The following TMEM117 variants were observed in gnomAD, a reference collection of about 807,000 sequenced individuals.
TMEM117 encodes the protein transmembrane protein 117.
Under a neutral mutation model 52.4 loss-of-function variants are expected in TMEM117, and 27 were observed. That is an observed-to-expected ratio of 0.51 (90% CI 0.38 to 0.71). The LOEUF (loss-of-function observed/expected upper bound fraction) is 0.71. TMEM117 is among the 30% of genes least tolerant of loss of function. The pLI, the probability that TMEM117 is intolerant of heterozygous loss-of-function variation, is 0.00. For missense variants in TMEM117, 556 were observed against 630.5 expected (o/e 0.88, Z 1.26); for synonymous variants, 215 against 206.3 (o/e 1.04, Z -0.36).
At chr12:44,166,174 T>G (rs1207498273) in intron 4 of TMEM117, among the ~76,000 whole-genome samples, 1 of 151,944 alleles carries the variant, frequency 6.6e-6, no homozygotes, top group Non-Finnish European at 1.5e-5. Context: ...TTGAAACAAA[T>G]GAAAATGGAA....
chr12:43,822,620 G>A, the TMEM117 span, among the ~76,000 whole-genome samples: 1 of 151,916 alleles, frequency 6.6e-6, no homozygotes, highest in Non-Finnish European at 1.5e-5. Context: ...TATAATAAAT[G>A]ATATGTTTAC....
At chr12:43,866,387 A>C (rs898237627) in intron 2 of TMEM117, among the ~76,000 whole-genome samples, 2 of 150,882 alleles carry the variant, frequency 1.3e-5, no homozygotes, top group Non-Finnish European at 2.9e-5. Context: ...ATCCTGGGAC[A>C]CATAGTGAGA....
At chr12:44,325,835 A>G (rs77899737) in intron 6 of TMEM117, among the ~76,000 whole-genome samples, 4,254 of 152,254 alleles carry the variant, frequency 0.028, 99 homozygotes, top group African/African-American at 0.055. Context: ...AAAATTTTAT[A>G]TAAAACATAT....
chr12:43,898,082 C>T (rs1046941401), intron 2 of TMEM117, among the ~76,000 whole-genome samples: 9 of 151,632 alleles, frequency 5.9e-5, no homozygotes, highest in African/African-American at 2.2e-4. Flanking sequence ...CGATTTCCTT[C>T]AGTTTTAGCT....
Position 44,065,187 on chromosome 12 carries a change from T to C in TMEM117, c.411-78338T>C, listed in dbSNP as rs115483595. On this transcript the variant is annotated intron_variant, in intron 3 of 7. Coordinates refer to ENST00000266534, the MANE Select transcript of TMEM117 (RefSeq NM_032256.3). ...ATCACTTGAGGCATTCAAGACCAGC[T>C]GGCCAAGATGGTGAAACCCTGTTTC... Among the ~76,000 whole-genome samples, 1,405 of 152,276 alleles carry C rather than the reference T, an allele frequency of 9.2e-3. 21 individuals carry two copies. Among genetic ancestry groups the C allele is most frequent in the African/African-American group, 0.032 (1,342 of 41,554 alleles).
intron 5 of TMEM117, among the ~76,000 whole-genome samples, chr12:44,254,832 C>T (rs998185429): frequency 4.6e-5 from 7 of 151,856 alleles, no homozygotes; most frequent in African/African-American, 1.7e-4. Flanking sequence ...CAACAGTACC[C>T]GGAGTGTGAT....
At chr12:44,023,684 CT>C in intron 3 of TMEM117, among the ~76,000 whole-genome samples, 1 of 150,960 alleles carries the variant, frequency 6.6e-6, no homozygotes, top group South Asian at 2.1e-4. Context: ...TTGTTTTTTT[CT>C]TGTAAATTTG....
At chr12:43,988,231 C>T (rs1314541317) in intron 3 of TMEM117, among the ~76,000 whole-genome samples, 2 of 151,670 alleles carry the variant, frequency 1.3e-5, no homozygotes, top group African/African-American at 4.8e-5. Flanking sequence ...TTGGATTCAC[C>T]TATATATTAA....
chr12:44,133,255 G>C (rs1272767732), intron 3 of TMEM117, among the ~76,000 whole-genome samples: 1 of 152,176 alleles, frequency 6.6e-6, no homozygotes, highest in Non-Finnish European at 1.5e-5. Flanking sequence ...GCAGTAGCAG[G>C]CTCTTTGGTG....
At chr12:44,116,610 T>C (rs1287858114) in intron 3 of TMEM117, among the ~76,000 whole-genome samples, 2 of 152,248 alleles carry the variant, frequency 1.3e-5, no homozygotes, top group African/African-American at 4.8e-5. Context: ...TGTCCTTGTG[T>C]TCCACAGGCA....
chr12:44,371,521 T>C (rs943771273), intron 6 of TMEM117, among the ~76,000 whole-genome samples: 4 of 152,232 alleles, frequency 2.6e-5, no homozygotes, highest in Non-Finnish European at 5.9e-5. Flanking sequence ...AATGCAACTT[T>C]TGTTCTGATA....
At chr12:44,105,361 G>C (rs575243195) in intron 3 of TMEM117, among the ~76,000 whole-genome samples, 1 of 151,876 alleles carries the variant, frequency 6.6e-6, no homozygotes, top group East Asian at 1.9e-4. Flanking sequence ...ATTTATTCTT[G>C]CATGTTGTCT....
intron 3 of TMEM117, among the ~76,000 whole-genome samples, chr12:44,019,735 A>G (rs985358610): frequency 6.6e-6 from 1 of 152,170 alleles, no homozygotes; most frequent in Non-Finnish European, 1.5e-5. Context: ...TTAATATTAC[A>G]TAGATATGTG....
chr12:44,154,491 G>T (rs1948798814), intron 4 of TMEM117, among the ~76,000 whole-genome samples: 3 of 151,902 alleles, frequency 2.0e-5, no homozygotes, highest in African/African-American at 2.4e-5. Context: ...CTCTCGTAAA[G>T]ATTTTAAAAT....
Position 44,048,321 on chromosome 12 carries a change from CTAAGT to C in TMEM117, c.411-95202_411-95198del, listed in dbSNP as rs532392003. Among the ~76,000 whole-genome samples, 354 of 152,170 alleles carry C rather than the reference CTAAGT, an allele frequency of 2.3e-3. 3 individuals are homozygous for C. Among genetic ancestry groups the C allele is most frequent in the African/African-American group, 8.1e-3 (336 of 41,560 alleles). The stretch of plus-strand genomic sequence containing the variant: ...CAAATTTTAGCTTCATTGATCCTTT[CTAAGT>C]TTTGTTTGTTTTCTATTTCTTTGAT... On this transcript the variant is annotated intron_variant, in intron 3 of 7. Transcript: ENST00000266534.
Position 43,951,693 on chromosome 12 carries a change from C to T in TMEM117, c.410+7351C>T, listed in dbSNP as rs144431992. On this transcript the variant is annotated intron_variant, in intron 3 of 7. Transcript: ENST00000266534. Reference sequence around the variant, plus strand: ...GGGGTGGCCGTGGTCTCAGGTTCAGCGGGCTTAATCTTTCTTGCCTGCCAG... The same window carrying T: ...GGGGTGGCCGTGGTCTCAGGTTCAGTGGGCTTAATCTTTCTTGCCTGCCAG... Among the ~76,000 whole-genome samples, 288 of 152,258 alleles carry T rather than the reference C, an allele frequency of 1.9e-3. 3 individuals carry two copies. The highest frequency in any genetic ancestry group is 6.5e-3 in the African/African-American group (271 of 41,550).
chr12:44,054,566 G>T (rs1947022246), intron 3 of TMEM117, among the ~76,000 whole-genome samples: 2 of 152,052 alleles, frequency 1.3e-5, no homozygotes, highest in African/African-American at 4.8e-5. Context: ...GAAAACTTTG[G>T]ATTTTTTGCA....
intron 4 of TMEM117, among the ~76,000 whole-genome samples, chr12:44,167,876 C>G (rs1455995670): frequency 6.6e-6 from 1 of 152,120 alleles, no homozygotes; most frequent in Non-Finnish European, 1.5e-5. Context: ...GTCAGAACTA[C>G]AAGAAGTTAT....
chr12:44,293,473 T>A (rs569306253), intron 5 of TMEM117, among the ~76,000 whole-genome samples: 1 of 152,258 alleles, frequency 6.6e-6, no homozygotes, highest in East Asian at 1.9e-4. Context: ...CTTTTTAAAA[T>A]GTTTTGCTAT....
Sources: allele counts gnomAD v4.1 joint callset (sites outside exome capture counted in the v4.1 genomes callset), GRCh38; gene constraint gnomAD v4.1.1; transcripts MANE v1.5; gene names NCBI Gene and HGNC (gene_info 2026-07-23, HGNC 2026-07-21).